TSPOAP1: variants seen among roughly 807,000 people sequenced by gnomAD.
TSPOAP1 encodes the protein peripheral-type benzodiazepine receptor-associated protein 1.
TSPOAP1 carries 87 observed loss-of-function variants against 197.0 expected under a neutral mutation model. The observed-to-expected ratio is 0.44, with a 90% confidence interval of 0.37 to 0.53. TSPOAP1 has a LOEUF of 0.53. Among genes scored for constraint, TSPOAP1 ranks in the 20% least tolerant of loss-of-function variants. The probability of loss-of-function intolerance (pLI) is 0.00; values close to 1 mark genes in which losing one functional copy is unlikely to be tolerated. For synonymous variants in TSPOAP1, 913 were observed against 998.9 expected (o/e 0.91, Z 1.62); for missense variants, 2,174 against 2,411.3 (o/e 0.90, Z 2.06).
rs1187905136 is a variant in TSPOAP1, at chr17:58,301,578, C to T, written c.*902G>A. ...AGGCAAACCCAACTCCGCTTTCGGC[C>T]CCGCTGGCCCCAGGGTCTTTGGGGG... On this transcript the variant is annotated 3_prime_UTR_variant, in exon 32 of 32. Coordinates refer to ENST00000343736, the MANE Select transcript of TSPOAP1 (RefSeq NM_004758.4). The T allele has an allele frequency of 3.3e-5, 5 of 152,694 alleles. No individual in the cohort carries two copies. Among genetic ancestry groups the T allele is most frequent in the African/African-American group, 1.2e-4 (5 of 41,452 alleles). The allele number at this position is 152,694 out of a possible 1,614,324, so 9.5% of individuals were successfully genotyped here. A position where few individuals can be genotyped will look rare whatever the true frequency, so the allele number is the denominator to read the frequency against.
chr17:58,320,551 C>T lies in TSPOAP1; in HGVS notation c.1453G>A (p.Gly485Arg), dbSNP rs1567848237. The change falls in exon 11 of 32, where the codon GGA (glycine) becomes AGA (arginine). Residue 485 changes from glycine to arginine, a missense_variant. By Grantham distance (125) the Gly-to-Arg change is moderately radical. Coordinates refer to ENST00000343736, the MANE Select transcript of TSPOAP1 (RefSeq NM_004758.4). Reference protein sequence around the residue: ...AQAEAQREHEGAVQLLESTLD... With the variant: ...AQAEAQREHERAVQLLESTLD... ...CCTACCTCCAGCAGCTGCACGGCTC[C>T]TTCATGTTCCCTCTGGGCTTCAGCC... is the stretch of plus-strand genomic sequence containing the variant. 2.7e-6 allele frequency: 4 copies of T among 1,495,082 alleles called. No homozygotes were observed. Among genetic ancestry groups the T allele is most frequent in the Non-Finnish European group, 3.6e-6 (4 of 1,123,606 alleles). 92.6% of individuals were successfully genotyped at this position (1,495,082 alleles called of 1,614,324 possible).
chr17:58,305,955 C>G, intron 26 of TSPOAP1, 90 bp from the exon 27 acceptor site: 2 of 1,485,938 alleles, frequency 1.3e-6, no homozygotes, highest in Non-Finnish European at 9.2e-7. Flanking sequence ...CGCCCACACA[C>G]AAGGAGGCAG....
At chr17:58,315,666 C>T (rs1971204205) in intron 16 of TSPOAP1, among the ~76,000 whole-genome samples, 1 of 152,194 alleles carries the variant, frequency 6.6e-6, no homozygotes, top group South Asian at 2.1e-4. Context: ...GCATACCTGA[C>T]CTCAGGTGTC....
intron 16 of TSPOAP1, among the ~76,000 whole-genome samples, chr17:58,313,062 A>G (rs2680706): frequency 0.27 from 41,005 of 152,104 alleles, 5,568 homozygotes; most frequent in Non-Finnish European, 0.28. Flanking sequence ...GGTGACACTC[A>G]AGCTGCAAGG....
chr17:58,316,259 G>T, intron 15 of TSPOAP1, 127 bp from the exon 16 acceptor site: 1 of 1,086,488 alleles, frequency 9.2e-7, no homozygotes, highest in Non-Finnish European at 1.4e-6. Context: ...CACCAGCAAA[G>T]CTGAGCCCTC....
intron 4 of TSPOAP1, 90 bp downstream of exon 4, chr17:58,325,444 C>T (rs1056540944): frequency 2.0e-6 from 3 of 1,515,038 alleles, no homozygotes; most frequent in African/African-American, 1.4e-5. Context: ...CTTTCATTTG[C>T]GTCTCATTAA....
In TSPOAP1 at chr17:58,325,575, C is replaced by T; in HGVS notation, c.709G>A (p.Glu237Lys). The change falls in exon 4 of 32, where the codon GAG becomes AAG. Residue 237 changes from glutamate to lysine, a missense_variant. Glu to Lys is a moderately conservative substitution (Grantham distance 56). Transcript: ENST00000343736. ...AGCCTGGCCTGCAGCTCCCTGCACTCCCGCTGCAAGGCAGCAATCTGCTTG... is the reference window on the plus strand; with the variant it reads ...AGCCTGGCCTGCAGCTCCCTGCACTTCCGCTGCAAGGCAGCAATCTGCTTG... ...KDKQIAALQR[E>K]CRELQARLTL... The T allele has an allele frequency of 6.2e-7, 1 of 1,613,130 alleles. No homozygotes were observed. The highest frequency in any genetic ancestry group is 8.5e-7 in the Non-Finnish European group (1 of 1,180,010).
In TSPOAP1 at chr17:58,311,003, C is replaced by A. The variant is rs544699314; in HGVS notation, c.3292G>T (p.Ala1098Ser). 1.0e-5 allele frequency: 16 copies of A among 1,600,636 alleles called. No homozygotes were observed. In the South Asian group the frequency reaches 1.6e-4, roughly 16 times the overall value. Residue 1098 changes from alanine to serine, a missense_variant, in exon 19 of 32, where the codon GCC (alanine) becomes TCC (serine). Around this residue, in one of 5 missense-constraint regions of TSPOAP1, gnomAD observed 1,933 missense variants for 2,139.0 expected, o/e 0.90. Coordinates refer to ENST00000343736, the MANE Select transcript of TSPOAP1 (RefSeq NM_004758.4). ...SCPSPHPSPE[A>S]RAPLASASPG... ...GAGGCTGAAGCAAGGGGCGCTCTGG[C>A]CTCTGGGCTTGGGTGCGGTGAGGGG... is the stretch of plus-strand genomic sequence containing the variant.
chr17:58,306,326 A>C lies in TSPOAP1; in HGVS notation c.5224+16T>G. The stretch of plus-strand genomic sequence containing the variant: ...ACATCCTCCCAGCACCTGAGAGAGA[A>C]TGGGGTCTTACCCACCTTTCTTGGA... On this transcript the variant is annotated intron_variant, in intron 26 of 31. Coordinates refer to ENST00000343736, the MANE Select transcript of TSPOAP1 (RefSeq NM_004758.4). The C allele has an allele frequency of 1.3e-6, 2 of 1,550,708 alleles. No homozygotes were observed. The highest frequency in any genetic ancestry group is 1.7e-6 in the Non-Finnish European group (2 of 1,145,842).
chr17:58,325,270 C>T (rs1229275167), intron 4 of TSPOAP1, among the ~76,000 whole-genome samples: 1 of 152,214 alleles, frequency 6.6e-6, no homozygotes, highest in Non-Finnish European at 1.5e-5. Context: ...AACATCCCTT[C>T]ACACAGGGGA....
rs1170112931 is a variant in TSPOAP1, at chr17:58,312,704, C to T, written c.2117G>A (p.Arg706Gln). 24 of 1,613,246 alleles carry T rather than the reference C, an allele frequency of 1.5e-5. No homozygotes were observed. Among genetic ancestry groups the T allele is most frequent in the Middle Eastern group, 3.3e-4 (2 of 6,060 alleles). The change falls in exon 17 of 32, where the codon CGA (arginine) becomes CAA (glutamine). Residue 706 changes from arginine (R) to glutamine (Q), a missense_variant. Arg to Gln is a conservative substitution (Grantham distance 43, BLOSUM62 1). Transcript: ENST00000343736. ...GFFEGELMDG[R>Q]RGLVPSNFVE... is the part of the protein sequence containing the mutation. ...AAAATTGGAAGGGACCAGGCCCCTT[C>T]GGCCATCCATGAGCTCTCCTGGCAG...
In TSPOAP1 at chr17:58,311,071, G is replaced by C; in HGVS notation, c.3224C>G (p.Thr1075Ser). Residue 1075 changes from threonine (T) to serine (S), a missense_variant, in exon 19 of 32, where the codon ACT becomes AGT. Coordinates refer to ENST00000343736, the MANE Select transcript of TSPOAP1 (RefSeq NM_004758.4). Reference sequence around the variant, plus strand: ...CAGGCTGGCCGGAGCCAGGGCGGGAGTGATAGGAGCCGGGATGGAGTCCGC... The same window carrying C: ...CAGGCTGGCCGGAGCCAGGGCGGGACTGATAGGAGCCGGGATGGAGTCCGC... ...ESADSIPAPITPALAPASLPA... is the reference protein window; with the variant it reads ...ESADSIPAPISPALAPASLPA... 1 of 1,579,868 alleles carries C rather than the reference G, an allele frequency of 6.3e-7. No individual in the cohort carries two copies. Among genetic ancestry groups the C allele is most frequent in the Non-Finnish European group, 8.6e-7 (1 of 1,163,230 alleles).
At position 58,305,414 on chromosome 17, in the gene TSPOAP1, C is replaced by T. The variant is rs779263964; in HGVS notation, c.5406G>A (p.Gly1802=). The change falls in exon 29 of 32, where the codon GGG becomes GGA. Residue 1802 remains glycine (G), a synonymous_variant. Coordinates refer to ENST00000343736, the MANE Select transcript of TSPOAP1 (RefSeq NM_004758.4). ...AGTAGAAACCGTCATCGTCCATGCC[C>T]CCAAACACAGTAATGACATCCCCTG... ...FRAGDVITVF[G]GMDDDGFYYG... 3 of 1,614,026 alleles carry T rather than the reference C, an allele frequency of 1.9e-6. No homozygotes were observed. The highest frequency in any genetic ancestry group is 2.5e-6 in the Non-Finnish European group (3 of 1,179,974).
chr17:58,316,207 A>G lies in TSPOAP1; in HGVS notation c.1989-75T>C. On this transcript the variant is annotated intron_variant, in intron 15 of 31. Coordinates refer to ENST00000343736, the MANE Select transcript of TSPOAP1 (RefSeq NM_004758.4). ...TTCCATGTCCTGTCTTCTCTCTCCC[A>G]CTGCACTGAGCCTTTACGGAGACTT... 3 of 1,295,698 alleles carry G rather than the reference A, an allele frequency of 2.3e-6. No individual in the cohort carries two copies. The South Asian group carries it at 3.6e-5, about 15-fold the overall frequency. The allele number at this position is 1,295,698 out of a possible 1,614,324, so 80.3% of individuals were successfully genotyped here. A position where few individuals can be genotyped will look rare whatever the true frequency, so the allele number is the denominator to read the frequency against.
At position 58,326,327 on chromosome 17, in the gene TSPOAP1, C is replaced by T. The variant is rs138873695; in HGVS notation, c.536G>A (p.Arg179Lys). The change falls in exon 3 of 32, where the codon AGG (arginine) becomes AAG (lysine). Residue 179 changes from arginine to lysine, a missense_variant. Physicochemically the swap from Arg to Lys is conservative, Grantham distance 26. This residue lies in a region of TSPOAP1 where 1,933 missense variants were observed against 2,139.0 expected (regional missense o/e 0.90). Transcript: ENST00000343736. This position sits in a 1 kb window ranked among gnomAD's most constrained non-coding sequence, Gnocchi z 4.7. ...GTTCGTTTCCTGCAGCTTTCGGGCC[C>T]TCTCCTCCAGGCGCTTGGCAATGAC... is the stretch of plus-strand genomic sequence containing the variant. Reference protein sequence around the residue: ...LAVIAKRLEERARKLQETNLR... With the variant: ...LAVIAKRLEEKARKLQETNLR... 1.9e-6 allele frequency: 3 copies of T among 1,614,042 alleles called. No homozygotes were observed. The highest frequency in any genetic ancestry group is 1.1e-5 in the South Asian group (1 of 91,088).
rs1377426939 is a variant in TSPOAP1, at chr17:58,301,776, C to T, written c.*704G>A. 1 of 157,884 alleles carries T rather than the reference C, an allele frequency of 6.3e-6. No homozygotes were observed. The highest frequency in any genetic ancestry group is 1.4e-5 in the Non-Finnish European group (1 of 71,078). The allele number at this position is 157,884 out of a possible 1,614,324, so 9.8% of individuals were successfully genotyped here. A position where few individuals can be genotyped will look rare whatever the true frequency, so the allele number is the denominator to read the frequency against. ...TATACATATATACAGGCTCCGCCCG[C>T]CTGCCCGCTGGGGAGATGGGGCTCC... On this transcript the variant is annotated 3_prime_UTR_variant, in exon 32 of 32. Coordinates refer to ENST00000343736, the MANE Select transcript of TSPOAP1 (RefSeq NM_004758.4).
chr17:58,308,839 C>T lies in TSPOAP1; in HGVS notation c.4433G>A (p.Arg1478His), dbSNP rs763316290. ...GRLGPSRRCSRGRALEPGLAS... is the reference protein window; with the variant it reads ...GRLGPSRRCSHGRALEPGLAS... Reference sequence around the variant, plus strand: ...CAGGCCAGGCTCCAGCGCCCGGCCACGGGAGCACCTCCGGGAAGGGCCCAG... The same window carrying T: ...CAGGCCAGGCTCCAGCGCCCGGCCATGGGAGCACCTCCGGGAAGGGCCCAG... The change falls in exon 22 of 32, where the codon CGT becomes CAT. Residue 1478 changes from arginine to histidine, a missense_variant. By Grantham distance (29) the Arg-to-His change is conservative (BLOSUM62 0). Transcript: ENST00000343736. The T allele has an allele frequency of 1.8e-5, 29 of 1,611,210 alleles. No individual in the cohort carries two copies. Among genetic ancestry groups the T allele is most frequent in the Admixed American group, 5.0e-5 (3 of 59,918 alleles).
At chr17:58,325,033 A>C in intron 4 of TSPOAP1, 31 bp from the exon 5 acceptor site, 1 of 1,490,746 alleles carries the variant, frequency 6.7e-7, no homozygotes. Context: ...CAGGGAGGGG[A>C]CTCAGGCCTA....
chr17:58,325,061 G>C, intron 4 of TSPOAP1, 59 bp from the exon 5 acceptor site: 2 of 1,407,700 alleles, frequency 1.4e-6, no homozygotes. Context: ...CCCGCCCCAT[G>C]CCATCCCCTG....
Sources: allele counts gnomAD v4.1 joint callset (sites outside exome capture counted in the v4.1 genomes callset), GRCh38; gene constraint gnomAD v4.1.1; regional missense constraint gnomAD v4.1.1; non-coding constraint Gnocchi (gnomAD v3.1); transcripts MANE v1.5; gene names NCBI Gene and HGNC (gene_info 2026-07-23, HGNC 2026-07-21).